DDA1: variants seen among roughly 807,000 people sequenced by gnomAD.
DDA1 encodes the protein DET1- and DDB1-associated protein 1.
In DDA1, 3 loss-of-function variants were observed where a neutral mutation model predicts 18.6. That is an observed-to-expected ratio of 0.16 (90% CI 0.07 to 0.42). The LOEUF (loss-of-function observed/expected upper bound fraction) is 0.42. DDA1 is among the 10% of genes least tolerant of loss of function. The probability of loss-of-function intolerance (pLI) is 0.99; values close to 1 mark genes in which losing one functional copy is unlikely to be tolerated. For synonymous variants in DDA1, 52 were observed against 54.0 expected (o/e 0.96, Z 0.17); for missense variants, 105 against 138.2 (o/e 0.76, Z 1.20).
intron 4 of DDA1, 42 bp from the exon 5 acceptor site, chr19:17,319,504 A>G (rs527636940): frequency 2.7e-6 from 4 of 1,502,362 alleles, no homozygotes; most frequent in Admixed American, 2.0e-5. Flanking sequence ...AGGCTGTCCG[A>G]AAAAAAAGAC....
In DDA1 at chr19:17,314,464, G is replaced by C; in HGVS notation, c.136+75G>C. 6.3e-7 allele frequency: 1 copy of C among 1,590,120 alleles called. No homozygotes were observed. The highest frequency in any genetic ancestry group is 8.6e-7 in the Non-Finnish European group (1 of 1,158,916). ...TTTGGTGACTGCAGCGTGGCACGCG[G>C]AGGTTATCTTCAACCCCGGCCCAGG... On this transcript the variant is annotated intron_variant, in intron 3 of 4. Transcript: ENST00000359866. The surrounding 1 kb of genome is among the most constrained non-coding windows in gnomAD (Gnocchi z 4.6).
Position 17,314,501 on chromosome 19 carries a change from G to A in DDA1, c.136+112G>A. The A allele has an allele frequency of 6.9e-7, 1 of 1,453,504 alleles. No homozygotes were observed. The highest frequency in any genetic ancestry group is 2.3e-5 in the East Asian group (1 of 43,278). The allele number at this position is 1,453,504 out of a possible 1,614,324, so 90.0% of individuals were successfully genotyped here. A position where few individuals can be genotyped will look rare whatever the true frequency, so the allele number is the denominator to read the frequency against. ...AACCCCGGCCCAGGCCATAGACTTG[G>A]CTTGGGTTCACACGCTGTCTACTGA... On this transcript the variant is annotated intron_variant, in intron 3 of 4. Coordinates refer to ENST00000359866, the MANE Select transcript of DDA1 (RefSeq NM_024050.6). This position sits in a 1 kb window ranked among gnomAD's most constrained non-coding sequence, Gnocchi z 4.6.
intron 1 of DDA1, among the ~76,000 whole-genome samples, chr19:17,309,958 T>C (rs941069716): frequency 2.1e-5 from 3 of 140,398 alleles, no homozygotes; most frequent in African/African-American, 7.5e-5. Flanking sequence ...TGGGGTCCCG[T>C]AAGACCCCCT....
chr19:17,316,076 G>C, intron 4 of DDA1, 81 bp downstream of exon 4: 1 of 1,489,790 alleles, frequency 6.7e-7, no homozygotes, highest in South Asian at 1.1e-5. Flanking sequence ...AGCACAGGAA[G>C]GACTCTAGTG....
chr19:17,312,353 C>T (rs1221119666), intron 1 of DDA1, among the ~76,000 whole-genome samples: 1 of 152,118 alleles, frequency 6.6e-6, no homozygotes, highest in Non-Finnish European at 1.5e-5. Context: ...GTGAGGGAGG[C>T]TCTGGGAGAG....
chr19:17,314,543 G>A lies in DDA1; in HGVS notation c.136+154G>A. On this transcript the variant is annotated intron_variant, in intron 3 of 4. Coordinates refer to ENST00000359866, the MANE Select transcript of DDA1 (RefSeq NM_024050.6). The surrounding 1 kb of genome is among the most constrained non-coding windows in gnomAD (Gnocchi z 4.6). ...GTCTACTGAATCCAGTTAAGTCAGGGAGGGCCTCCAGGGAGGTACAGGAGG... is the reference window on the plus strand; with the variant it reads ...GTCTACTGAATCCAGTTAAGTCAGGAAGGGCCTCCAGGGAGGTACAGGAGG... 3 of 1,040,150 alleles carry A rather than the reference G, an allele frequency of 2.9e-6. No individual in the cohort carries two copies. Among genetic ancestry groups the A allele is most frequent in the Non-Finnish European group, 4.2e-6 (3 of 706,466 alleles). 64.4% of individuals were successfully genotyped at this position (1,040,150 alleles called of 1,614,324 possible).
Position 17,323,086 on chromosome 19 carries a change from A to G in DDA1, c.*3430A>G, listed in dbSNP as rs945775103. 1 of 152,406 alleles carries G rather than the reference A, an allele frequency of 6.6e-6. No homozygotes were observed. The highest frequency in any genetic ancestry group is 1.5e-5 in the Non-Finnish European group (1 of 68,154). 9.4% of individuals were successfully genotyped at this position (152,406 alleles called of 1,614,324 possible). A position where few individuals can be genotyped will look rare whatever the true frequency, so the allele number is the denominator to read the frequency against. On this transcript the variant is annotated 3_prime_UTR_variant, in exon 5 of 5. Transcript: ENST00000359866. ...AGCCTGGAGTTTTCCATCTGTGGCCAAGACCCAGTTTTTGGGAGGAGGCCC... is the reference window on the plus strand; with the variant it reads ...AGCCTGGAGTTTTCCATCTGTGGCCGAGACCCAGTTTTTGGGAGGAGGCCC...
At chr19:17,319,141 G>T (rs1209935796) in intron 4 of DDA1, among the ~76,000 whole-genome samples, 1 of 152,176 alleles carries the variant, frequency 6.6e-6, no homozygotes, top group African/African-American at 2.4e-5. Context: ...CATGTGGTGG[G>T]GGTGACTCCG....
At position 17,314,479 on chromosome 19, in the gene DDA1, C is replaced by T; in HGVS notation, c.136+90C>T. ...GTGGCACGCGGAGGTTATCTTCAAC[C>T]CCGGCCCAGGCCATAGACTTGGCTT... On this transcript the variant is annotated intron_variant, in intron 3 of 4. Transcript: ENST00000359866. This position sits in a 1 kb window ranked among gnomAD's most constrained non-coding sequence, Gnocchi z 4.6. The T allele has an allele frequency of 1.3e-6, 2 of 1,547,842 alleles. No individual in the cohort carries two copies. Among genetic ancestry groups the T allele is most frequent in the Admixed American group, 1.7e-5 (1 of 58,946 alleles).
chr19:17,316,022 G>C, intron 4 of DDA1, 27 bp downstream of exon 4: 3 of 1,613,244 alleles, frequency 1.9e-6, no homozygotes, highest in Non-Finnish European at 2.5e-6. Flanking sequence ...TCTGGTGCAG[G>C]GATTGTGGGT....
intron 4 of DDA1, among the ~76,000 whole-genome samples, chr19:17,318,339 C>T (rs987032733): frequency 4.6e-5 from 7 of 152,202 alleles, no homozygotes; most frequent in Admixed American, 4.6e-4. Context: ...TCAAGCGATT[C>T]TCCTGCCTCA....
At position 17,319,627 on chromosome 19, in the gene DDA1, G is replaced by A. The variant is rs368477374; in HGVS notation, c.280G>A (p.Asp94Asn). The A allele has an allele frequency of 3.2e-6, 5 of 1,575,328 alleles. No individual in the cohort carries two copies. The highest frequency in any genetic ancestry group is 1.3e-5 in the African/African-American group (1 of 74,220). ...ACCTCCCCGCAAGGTGGCGCGGACC[G>A]ACAGCCCAGACATGCACGAGGACAC... ...SAPPRKVART[D>N]SPDMHEDT The change falls in exon 5 of 5, where the codon GAC (aspartate) becomes AAC (asparagine). Residue 94 changes from aspartate (D) to asparagine (N), a missense_variant. Coordinates refer to ENST00000359866, the MANE Select transcript of DDA1 (RefSeq NM_024050.6).
rs2074201031 is a variant in DDA1 at position 17,315,208 on chromosome 19, TGTATATAC to T, written c.137-725_137-718del. Among the ~76,000 whole-genome samples, 2 of 22,982 alleles carry T rather than the reference TGTATATAC, an allele frequency of 8.7e-5. 1 individual carries two copies. The highest frequency in any genetic ancestry group is 2.1e-4 in the Non-Finnish European group (2 of 9,336). The allele number at this position is 22,982 out of a possible 152,430, so 15.1% of individuals were successfully genotyped here. A position where few individuals can be genotyped will look rare whatever the true frequency, so the allele number is the denominator to read the frequency against. On this transcript the variant is annotated intron_variant, in intron 3 of 4. Transcript: ENST00000359866. ...GTATACACACACGTGTATACACACG[TGTATATAC>T]ACACACGTGTATACACACACACGTG...
At chr19:17,316,130 A>G in intron 4 of DDA1, 135 bp downstream of exon 4, 1 of 982,946 alleles carries the variant, frequency 1.0e-6, no homozygotes, top group African/African-American at 1.6e-5. Flanking sequence ...GCCCTGGGCG[A>G]TCCAGGAGAG....
At chr19:17,315,149 A>G (rs1347135461) in intron 3 of DDA1, among the ~76,000 whole-genome samples, 5 of 87,892 alleles carry the variant, frequency 5.7e-5, no homozygotes, top group African/African-American at 2.5e-4. Flanking sequence ...ATATACACAC[A>G]CGTATATATA....
intron 1 of DDA1, 49 bp downstream of exon 1, chr19:17,309,706 C>T: frequency 1.2e-6 from 2 of 1,600,304 alleles, no homozygotes; most frequent in South Asian, 2.2e-5. Context: ...GACAAAATGG[C>T]GCTGTGGTCC....
In DDA1 at chr19:17,319,744, C is replaced by A. The variant is rs1002159995; in HGVS notation, c.*88C>A. The A allele has an allele frequency of 8.4e-7, 1 of 1,189,170 alleles. No individual in the cohort carries two copies. Among genetic ancestry groups the A allele is most frequent in the Non-Finnish European group, 1.2e-6 (1 of 836,338 alleles). The allele number at this position is 1,189,170 out of a possible 1,614,324, so 73.7% of individuals were successfully genotyped here. On this transcript the variant is annotated 3_prime_UTR_variant, in exon 5 of 5. Transcript: ENST00000359866. ...GCCATGTGTAAGCACCCCGCCCGCC[C>A]GCCTCCCTGCCGGCCCATCCACACC...
Position 17,322,026 on chromosome 19 carries a change from G to C in DDA1, c.*2370G>C, listed in dbSNP as rs904552685. The C allele has an allele frequency of 6.5e-6, 1 of 152,752 alleles. No individual in the cohort carries two copies. The highest frequency in any genetic ancestry group is 1.5e-5 in the Non-Finnish European group (1 of 68,444). 9.5% of individuals were successfully genotyped at this position (152,752 alleles called of 1,614,324 possible). A position where few individuals can be genotyped will look rare whatever the true frequency, so the allele number is the denominator to read the frequency against. On this transcript the variant is annotated 3_prime_UTR_variant, in exon 5 of 5. Transcript: ENST00000359866. ...GCGGTGTCCATCTGTGAATGACTGAGATGGTGGGACTTCAGCTTCCAAGGC... is the reference window on the plus strand; with the variant it reads ...GCGGTGTCCATCTGTGAATGACTGACATGGTGGGACTTCAGCTTCCAAGGC...
At chr19:17,316,099 C>A in intron 4 of DDA1, 104 bp downstream of exon 4, 1 of 1,343,414 alleles carries the variant, frequency 7.4e-7, no homozygotes, top group Non-Finnish European at 1.1e-6. Flanking sequence ...TGGAGCAGGG[C>A]CTTGAGGGCT....
Sources: allele counts gnomAD v4.1 joint callset (sites outside exome capture counted in the v4.1 genomes callset), GRCh38; gene constraint gnomAD v4.1.1; non-coding constraint Gnocchi (gnomAD v3.1); transcripts MANE v1.5; gene names NCBI Gene and HGNC (gene_info 2026-07-23, HGNC 2026-07-21).